TMEM131: variants seen among roughly 807,000 people sequenced by gnomAD.
TMEM131 encodes the protein 2610524E03Rik.
TMEM131 carries 66 observed loss-of-function variants against 211.6 expected under a neutral mutation model. The ratio of observed to expected loss-of-function variants is 0.31; its 90% confidence interval spans 0.26 to 0.38. The LOEUF (loss-of-function observed/expected upper bound fraction) is 0.38. TMEM131 is among the 10% of genes least tolerant of loss of function. The pLI is 1.00. For synonymous variants in TMEM131, 844 were observed against 841.3 expected, an observed-to-expected ratio of 1.00 and a Z score of -0.06; for missense variants, 2,036 against 2,299.3, an observed-to-expected ratio of 0.89 and a Z score of 2.34.
intron 1 of TMEM131, among the ~76,000 whole-genome samples, chr2:97,957,658 T>C (rs1324362826): frequency 6.6e-6 from 1 of 152,084 alleles, no homozygotes; most frequent in Non-Finnish European, 1.5e-5. Context: ...AAAAAAAATG[T>C]GCTCAAGTGT....
intron 31 of TMEM131, among the ~76,000 whole-genome samples, chr2:97,776,229 A>G (rs375309764): frequency 1.7e-4 from 26 of 151,686 alleles, no homozygotes; most frequent in Non-Finnish European, 3.1e-4. Context: ...AATTTTTTGT[A>G]TTTTTTAGTA....
At chr2:97,984,923 G>A (rs760489328) in intron 1 of TMEM131, among the ~76,000 whole-genome samples, 2 of 152,034 alleles carry the variant, frequency 1.3e-5, no homozygotes, top group Non-Finnish European at 2.9e-5. Context: ...ATCCCTGGAC[G>A]AGTTTACTAG....
At chr2:97,770,086 T>C (rs754863869) in intron 33 of TMEM131, among the ~76,000 whole-genome samples, 1 of 152,212 alleles carries the variant, frequency 6.6e-6, no homozygotes, top group Non-Finnish European at 1.5e-5. Context: ...TGTGGGGTTA[T>C]ATATTAACAC....
intron 3 of TMEM131, among the ~76,000 whole-genome samples, chr2:97,897,713 C>T (rs527662577): frequency 2.0e-5 from 3 of 152,166 alleles, no homozygotes; most frequent in Admixed American, 6.5e-5. Flanking sequence ...TTCTTTAATG[C>T]CTGCAATAAT....
At chr2:97,760,993 G>T in intron 36 of TMEM131, 79 bp from the exon 37 acceptor site, 1 of 1,575,736 alleles carries the variant, frequency 6.3e-7, no homozygotes, top group Non-Finnish European at 8.6e-7. Context: ...TGGCAGGACT[G>T]AGCCCTGAGT....
At chr2:97,911,552 T>A in intron 2 of TMEM131, 1 of 884,750 alleles carries the variant, frequency 1.1e-6, no homozygotes, top group Non-Finnish European at 1.4e-6. Flanking sequence ...CATGTGCACT[T>A]TCTTGAGGAG....
At chr2:97,970,083 G>C (rs1268446621) in intron 1 of TMEM131, among the ~76,000 whole-genome samples, 1 of 152,176 alleles carries the variant, frequency 6.6e-6, no homozygotes, top group Non-Finnish European at 1.5e-5. Flanking sequence ...TGAGCCCTAA[G>C]TACAAAGCAT....
At chr2:97,930,117 A>C (rs1677156265) in intron 1 of TMEM131, among the ~76,000 whole-genome samples, 1 of 151,008 alleles carries the variant, frequency 6.6e-6, no homozygotes, top group South Asian at 2.1e-4. Flanking sequence ...TTATTAACAT[A>C]AGAACACAAT....
chr2:97,846,304 G>T (rs1322534399), intron 5 of TMEM131, among the ~76,000 whole-genome samples: 1 of 152,114 alleles, frequency 6.6e-6, no homozygotes, highest in Non-Finnish European at 1.5e-5. Context: ...ACAAAGTACG[G>T]CAAACTGAAT....
Position 97,759,696 on chromosome 2 carries a change from A to C in TMEM131, c.5162T>G (p.Leu1721Arg). The C allele has an allele frequency of 6.2e-7, 1 of 1,613,724 alleles. No homozygotes were observed. Among genetic ancestry groups the C allele is most frequent in the Non-Finnish European group, 8.5e-7 (1 of 1,179,784 alleles). ...GTTTCCAAAGGCGGAGAACGAATTG[A>C]GGGGAGTGAAGTCAGGGCTGCTTGG... Reference protein sequence around the residue: ...SNPSSPDFTPLNSFSAFGNSF... With the variant: ...SNPSSPDFTPRNSFSAFGNSF... The change falls in exon 39 of 41, where the codon CTC becomes CGC. Residue 1721 changes from leucine to arginine, a missense_variant. Transcript: ENST00000186436.
chr2:97,995,473 C>T lies in TMEM131; in HGVS notation c.187+3G>A, dbSNP rs1305858276. The T allele has an allele frequency of 5.0e-6, 7 of 1,402,742 alleles. No individual in the cohort carries two copies. The highest frequency in any genetic ancestry group is 1.5e-5 in the African/African-American group (1 of 66,666). 86.9% of individuals were successfully genotyped at this position (1,402,742 alleles called of 1,614,324 possible). Reference sequence around the variant, plus strand: ...CGCAGGGACGCCGCCGGGGGACACCCACCTTCCTTCTCGGCCCGCGCCGCA... The same window carrying T: ...CGCAGGGACGCCGCCGGGGGACACCTACCTTCCTTCTCGGCCCGCGCCGCA... On this transcript the variant is annotated splice_donor_region_variant and intron_variant, in intron 1 of 40. Coordinates refer to ENST00000186436, the MANE Select transcript of TMEM131 (RefSeq NM_015348.2).
In TMEM131 at chr2:97,887,166, T is replaced by C. The variant is rs939091134; in HGVS notation, c.359+886A>G. On this transcript the variant is annotated intron_variant, in intron 4 of 40. Coordinates refer to ENST00000186436, the MANE Select transcript of TMEM131 (RefSeq NM_015348.2). ...GCTGTTTCTCAGGTCCAAGACACAG[T>C]TGCAAGTCTGCTCAGCTGGCCCGAG... 3.3e-5 allele frequency among the ~76,000 whole-genome samples: 5 copies of C among 152,228 alleles called. No homozygotes were observed. In the South Asian group the frequency reaches 1.0e-3, roughly 32 times the overall value.
chr2:97,898,673 T>C (rs891492543), intron 3 of TMEM131, among the ~76,000 whole-genome samples: 2 of 152,130 alleles, frequency 1.3e-5, no homozygotes, highest in Non-Finnish European at 2.9e-5. Flanking sequence ...AAAATAAATG[T>C]CTATTGTTTA....
In TMEM131 at chr2:97,818,707, T is replaced by A. The variant is rs771131530; in HGVS notation, c.1089A>T (p.Thr363=). Residue 363 remains threonine (T), a synonymous_variant, in exon 12 of 41, where the codon ACA becomes ACT. Transcript: ENST00000186436. ...GTACCGTTATAGCATCATTTTGTGG[T>A]GTAGGTCGAACACTCTGCAAAGAGA... The part of the protein sequence containing the change: ...KDVPITSVRP[T]PQNDAITVHF... 6.2e-7 allele frequency: 1 copy of A among 1,603,074 alleles called. No homozygotes were observed. The highest frequency in any genetic ancestry group is 8.5e-7 in the Non-Finnish European group (1 of 1,173,314).
chr2:97,919,131 A>C (rs1170211199), intron 2 of TMEM131, among the ~76,000 whole-genome samples: 1 of 152,206 alleles, frequency 6.6e-6, no homozygotes, highest in Admixed American at 6.5e-5. Flanking sequence ...AAGCTTCATA[A>C]GATTTAGCCT....
At position 97,995,521 on chromosome 2, in the gene TMEM131, G is replaced by A. The variant is rs749499897; in HGVS notation, c.142C>T (p.Leu48=). 13 of 1,398,388 alleles carry A rather than the reference G, an allele frequency of 9.3e-6. No homozygotes were observed. Among genetic ancestry groups the A allele is most frequent in the Non-Finnish European group, 1.2e-5 (13 of 1,070,288 alleles). 86.6% of individuals were successfully genotyped at this position (1,398,388 alleles called of 1,614,324 possible). A position where few individuals can be genotyped will look rare whatever the true frequency, so the allele number is the denominator to read the frequency against. The change falls in exon 1 of 41, where the codon CTG becomes TTG. Residue 48 remains leucine (L), a synonymous_variant. Transcript: ENST00000186436. ...AAAGLLGALH[L]VMTLVVAAAR... ...GCAGCCACTACGAGGGTCATCACCA[G>A]GTGCAGCGCGCCTAGGAGGCCGGCG... is the stretch of plus-strand genomic sequence containing the variant.
chr2:97,957,301 T>A (rs999941816), intron 1 of TMEM131, among the ~76,000 whole-genome samples: 3 of 152,156 alleles, frequency 2.0e-5, no homozygotes, highest in African/African-American at 7.2e-5. Flanking sequence ...ACTTAATGAT[T>A]TACATAAACT....
intron 1 of TMEM131, among the ~76,000 whole-genome samples, chr2:97,937,435 T>C (rs1430933182): frequency 6.6e-6 from 1 of 152,014 alleles, no homozygotes; most frequent in Non-Finnish European, 1.5e-5. Flanking sequence ...ACACCATCTG[T>C]ACAACAGGAG....
rs749985998 is a variant in TMEM131 at position 97,757,127 on chromosome 2, G to C, written c.5624C>G (p.Ser1875Cys). ...TIGRRSSDPWSNSHFPHEN is the reference protein window; with the variant it reads ...TIGRRSSDPWCNSHFPHEN The stretch of plus-strand genomic sequence containing the variant: ...ATTCTCGTGAGGAAAGTGCGAATTA[G>C]ACCAAGGGTCCGAGCTTCTTCTTCC... The change falls in exon 41 of 41, where the codon TCT (serine) becomes TGT (cysteine). Residue 1875 changes from serine to cysteine, a missense_variant. Ser to Cys is a moderately radical substitution (Grantham distance 112). This residue lies in a region of TMEM131 where 1,623 missense variants were observed against 1,805.9 expected (regional missense o/e 0.90). Transcript: ENST00000186436. The C allele has an allele frequency of 2.5e-6, 4 of 1,608,894 alleles. No homozygotes were observed. The highest frequency in any genetic ancestry group is 3.4e-6 in the Non-Finnish European group (4 of 1,176,630).
Sources: allele counts gnomAD v4.1 joint callset (sites outside exome capture counted in the v4.1 genomes callset), GRCh38; gene constraint gnomAD v4.1.1; regional missense constraint gnomAD v4.1.1; transcripts MANE v1.5; gene names NCBI Gene and HGNC (gene_info 2026-07-23, HGNC 2026-07-21).